Variants in ANK2 observed in about 807,000 individuals in gnomAD.
The protein encoded by ANK2 is ankyrin-2.
ANK2 carries 83 observed loss-of-function variants against 360.5 expected under a neutral mutation model. The ratio of observed to expected loss-of-function variants is 0.23; its 90% confidence interval spans 0.19 to 0.28. The LOEUF (loss-of-function observed/expected upper bound fraction) is 0.28, where lower values mean the gene tolerates loss of function less well. Among genes scored for constraint, ANK2 ranks in the 10% least tolerant of loss-of-function variants. ANK2 has a pLI of 1.00. For missense variants in ANK2, 4,201 were observed against 4,795.7 expected, an observed-to-expected ratio of 0.88 and a Z score of 3.66; for synonymous variants, 1,740 against 1,759.5, an observed-to-expected ratio of 0.99 and a Z score of 0.28.
chr4:112,924,833 A>T (rs909797697), intron 2 of ANK2, among the ~76,000 whole-genome samples: 11 of 145,174 alleles, frequency 7.6e-5, no homozygotes, highest in Admixed American at 1.4e-4. Context: ...TTAAATATTT[A>T]TTACTTTTTT....
chr4:113,299,106 A>G (rs944881151), intron 22 of ANK2, among the ~76,000 whole-genome samples: 3 of 152,204 alleles, frequency 2.0e-5, no homozygotes, highest in Non-Finnish European at 1.5e-5. Flanking sequence ...GTTGCCACAT[A>G]TATTTGCTGA....
the ANK2 span, among the ~76,000 whole-genome samples, chr4:112,745,599 C>A: frequency 6.9e-6 from 1 of 145,942 alleles, no homozygotes; most frequent in Admixed American, 7.1e-5. Flanking sequence ...AATGGCACGA[C>A]CTCGGCTCAC....
chr4:113,293,369 G>C, intron 21 of ANK2, 71 bp from the exon 22 acceptor site: 1 of 1,299,428 alleles, frequency 7.7e-7, no homozygotes, highest in Non-Finnish European at 1.1e-6. Flanking sequence ...CAGAGCAGCG[G>C]GTGAGCTCAT....
chr4:113,095,472 G>A (rs1471245748), intron 1 of ANK2, among the ~76,000 whole-genome samples: 1 of 152,128 alleles, frequency 6.6e-6, no homozygotes, highest in Non-Finnish European at 1.5e-5. Flanking sequence ...GTGCCTGAGA[G>A]TGTGCCTGTG....
chr4:112,735,488 TA>T, the ANK2 span, among the ~76,000 whole-genome samples: 1 of 152,152 alleles, frequency 6.6e-6, no homozygotes, highest in East Asian at 1.9e-4. Flanking sequence ...CAATTTTGCT[TA>T]TCTCTTCATC....
At chr4:113,250,964 A>AG (rs1482414714) in intron 10 of ANK2, among the ~76,000 whole-genome samples, 2 of 152,348 alleles carry the variant, frequency 1.3e-5, no homozygotes, top group African/African-American at 4.8e-5. Flanking sequence ...GCTTCAAATC[A>AG]GTAATATATG....
At chr4:113,302,632 T>C (rs1298402622) in intron 22 of ANK2, 135 bp from the exon 23 acceptor site, 2 of 706,872 alleles carry the variant, frequency 2.8e-6, no homozygotes, top group Non-Finnish European at 2.5e-6. Flanking sequence ...TTCCAAAATA[T>C]ACACGCGGGA....
chr4:113,282,385 T>A (rs190941033), intron 17 of ANK2, among the ~76,000 whole-genome samples: 63 of 152,342 alleles, frequency 4.1e-4, no homozygotes, highest in African/African-American at 1.3e-3. Flanking sequence ...GGAACCTGGC[T>A]TATCCTATGT....
At chr4:113,041,192 T>G (rs2154314218) in intron 2 of ANK2, among the ~76,000 whole-genome samples, 1 of 152,240 alleles carries the variant, frequency 6.6e-6, no homozygotes, top group South Asian at 2.1e-4. Flanking sequence ...ATCATTTCAC[T>G]TATTTCTTTA....
At chr4:112,833,308 T>C (rs4834307) in intron 1 of ANK2, among the ~76,000 whole-genome samples, 88,856 of 152,066 alleles carry the variant, frequency 0.58, 26,912 homozygotes, top group East Asian at 0.93. Flanking sequence ...CGCTAGAATA[T>C]TGGATTGAAC....
At chr4:113,318,997 G>A (rs2084506882) in intron 26 of ANK2, among the ~76,000 whole-genome samples, 1 of 152,168 alleles carries the variant, frequency 6.6e-6, no homozygotes, top group African/African-American at 2.4e-5. Context: ...AGGATTAGCT[G>A]ATTGGTTCAA....
intron 26 of ANK2, among the ~76,000 whole-genome samples, chr4:113,321,129 A>G (rs1048348057): frequency 6.6e-6 from 1 of 152,248 alleles, no homozygotes; most frequent in African/African-American, 2.4e-5. Flanking sequence ...AGGCACAGTT[A>G]TATAAAAATC....
the ANK2 span, among the ~76,000 whole-genome samples, chr4:112,804,739 G>C: frequency 1.3e-5 from 2 of 152,016 alleles, no homozygotes; most frequent in African/African-American, 4.8e-5. Flanking sequence ...GAGATTGCTT[G>C]AGGCCAGGAG....
intron 1 of ANK2, among the ~76,000 whole-genome samples, chr4:113,084,330 G>T (rs773953812): frequency 1.3e-5 from 2 of 152,200 alleles, no homozygotes; most frequent in Non-Finnish European, 2.9e-5. Context: ...TGAATTTTTG[G>T]TGGTCAGCTA....
In ANK2 at chr4:113,356,897, A is replaced by G. The variant is rs767350978; in HGVS notation, c.8279A>G (p.Asp2760Gly). The change falls in exon 38 of 46, where the codon GAT becomes GGT. Residue 2760 changes from aspartate (D) to glycine (G), a missense_variant. By Grantham distance (94) the Asp-to-Gly change is moderately conservative (BLOSUM62 -1). This residue lies in a region of ANK2 where 2,642 missense variants were observed against 2,714.5 expected (regional missense o/e 0.97). Coordinates refer to ENST00000357077, the MANE Select transcript of ANK2 (RefSeq NM_001148.6). ...VSTEAEDRSY[D>G]KLNRDTDQPK... ...ACTGAGGCTGAAGACAGGTCTTATG[A>G]TAAGCTAAACAGAGACACTGATCAG... is the stretch of plus-strand genomic sequence containing the variant. 4.3e-6 allele frequency: 7 copies of G among 1,613,966 alleles called. No individual in the cohort carries two copies. Among genetic ancestry groups the G allele is most frequent in the African/African-American group, 4.0e-5 (3 of 74,930 alleles).
chr4:113,127,395 A>G (rs1426882080), intron 1 of ANK2, among the ~76,000 whole-genome samples: 1 of 152,114 alleles, frequency 6.6e-6, no homozygotes, highest in Non-Finnish European at 1.5e-5. Flanking sequence ...ATTTAAGGTC[A>G]ATGGCAATGG....
At chr4:113,265,306 C>A (rs935403194) in intron 14 of ANK2, among the ~76,000 whole-genome samples, 8 of 152,254 alleles carry the variant, frequency 5.3e-5, no homozygotes, top group Non-Finnish European at 1.2e-4. Flanking sequence ...TCTTTATTTT[C>A]ATGAATTTTA....
intron 43 of ANK2, among the ~76,000 whole-genome samples, chr4:113,371,371 C>T (rs528591590): frequency 6.6e-6 from 1 of 152,242 alleles, no homozygotes; most frequent in African/African-American, 2.4e-5. Flanking sequence ...TAGAATTATT[C>T]ATCTCTCAAA....
intron 35 of ANK2, chr4:113,347,895 T>C (rs2095049485): frequency 4.9e-6 from 1 of 205,854 alleles, no homozygotes; most frequent in Non-Finnish European, 9.9e-6. Flanking sequence ...TTCCACCATA[T>C]GCTTATTTGT....
Sources: gnomAD v4.1 joint callset for allele counts (sites outside exome capture counted in the v4.1 genomes callset) on GRCh38, gnomAD v4.1.1 for gene constraint, gnomAD v4.1.1 regional missense constraint, MANE v1.5 for transcripts, NCBI Gene and HGNC (gene_info 2026-07-23, HGNC 2026-07-21) for gene names.